PRRG1: variants seen among roughly 807,000 people sequenced by gnomAD.
The protein encoded by PRRG1 is proline rich and Gla domain 1.
Under a neutral mutation model 11.8 loss-of-function variants are expected in PRRG1, and 5 were observed. That is an observed-to-expected ratio of 0.42 (90% CI 0.22 to 0.89). The LOEUF (loss-of-function observed/expected upper bound fraction) is 0.89. Among genes scored for constraint, PRRG1 ranks in the 40% least tolerant of loss-of-function variants. PRRG1 has a pLI of 0.28. For missense variants in PRRG1, 155 were observed against 166.1 expected (o/e 0.93, Z 0.37); for synonymous variants, 66 against 60.4 (o/e 1.09, Z -0.43).
chrX:37,387,209 A>G (rs1931356581), intron 1 of PRRG1, among the ~76,000 whole-genome samples: 1 of 112,534 alleles, frequency 8.9e-6, no homozygotes, highest in African/African-American at 3.2e-5. Flanking sequence ...ACATTAAAAA[A>G]TGTTATTGAT....
chrX:37,404,542 G>T (rs782030940), intron 1 of PRRG1, among the ~76,000 whole-genome samples: 43 of 110,775 alleles, frequency 3.9e-4, no homozygotes, highest in Non-Finnish European at 7.6e-4. Flanking sequence ...TTATCTGAAG[G>T]GTCAGGAGTC....
intron 1 of PRRG1, among the ~76,000 whole-genome samples, chrX:37,398,448 C>G (rs1175908762): frequency 8.0e-5 from 9 of 112,005 alleles, no homozygotes; most frequent in African/African-American, 2.6e-4. Context: ...AACTAACAAA[C>G]AGAAAGGACA....
At chrX:37,388,713 T>C (rs369004217) in intron 1 of PRRG1, among the ~76,000 whole-genome samples, 7 of 113,075 alleles carry the variant, frequency 6.2e-5, no homozygotes, top group African/African-American at 2.2e-4. Context: ...GGGGCTGCCA[T>C]GAAGATCTCT....
At chrX:37,421,676 C>G (rs1932664057) in intron 2 of PRRG1, among the ~76,000 whole-genome samples, 1 of 111,843 alleles carries the variant, frequency 8.9e-6, no homozygotes, top group Non-Finnish European at 1.9e-5. Flanking sequence ...TTAAAAAATT[C>G]TAATTTTAGG....
At chrX:37,358,096 GTT>G (rs56832062) in intron 1 of PRRG1, among the ~76,000 whole-genome samples, 59 of 105,052 alleles carry the variant, frequency 5.6e-4, no homozygotes, top group African/African-American at 2.0e-3. Flanking sequence ...TTCAAATCAT[GTT>G]TTTTTTTTTC....
chrX:37,375,775 C>T (rs1158676096), intron 1 of PRRG1, among the ~76,000 whole-genome samples: 2 of 110,969 alleles, frequency 1.8e-5, no homozygotes, highest in African/African-American at 6.5e-5. Flanking sequence ...TGCCTGAAGC[C>T]CAAAATAATT....
chrX:37,383,024 C>T (rs1273616509), intron 1 of PRRG1, among the ~76,000 whole-genome samples: 1 of 111,277 alleles, frequency 9.0e-6, no homozygotes, highest in Admixed American at 9.5e-5. Flanking sequence ...CCTAGAATTC[C>T]ACATTATTTT....
At chrX:37,377,078 A>G (rs1930992585) in intron 1 of PRRG1, among the ~76,000 whole-genome samples, 1 of 111,528 alleles carries the variant, frequency 9.0e-6, no homozygotes, top group Non-Finnish European at 1.9e-5. Flanking sequence ...TATCTCGGAA[A>G]TAAGATGATT....
chrX:37,359,811 A>T (rs929957832), intron 1 of PRRG1, among the ~76,000 whole-genome samples: 1 of 111,768 alleles, frequency 8.9e-6, no homozygotes, highest in African/African-American at 3.3e-5. Flanking sequence ...GTATAGTCCT[A>T]TTCACATTGT....
At chrX:37,357,373 G>C (rs1245321024) in intron 1 of PRRG1, among the ~76,000 whole-genome samples, 1 of 111,836 alleles carries the variant, frequency 8.9e-6, no homozygotes, top group East Asian at 2.8e-4. Context: ...TCTGTGTGCA[G>C]TATTTTATGT....
intron 1 of PRRG1, among the ~76,000 whole-genome samples, chrX:37,390,828 G>T (rs1444267359): frequency 8.9e-6 from 1 of 112,194 alleles, no homozygotes; most frequent in Non-Finnish European, 1.9e-5. Context: ...AAAGCTTCAG[G>T]CATGGATAAA....
intron 3 of PRRG1, among the ~76,000 whole-genome samples, chrX:37,432,173 C>T (rs1236476836): frequency 2.8e-5 from 3 of 108,098 alleles, no homozygotes; most frequent in African/African-American, 1.0e-4. Flanking sequence ...CTGCAAGCTC[C>T]GCCTCCCGGG....
intron 3 of PRRG1, chrX:37,440,664 T>C (rs782678006): frequency 4.3e-6 from 2 of 460,538 alleles, no homozygotes; most frequent in Non-Finnish European, 7.5e-6. Flanking sequence ...TTAAGTAAAA[T>C]GGGATAAATT....
At chrX:37,359,327 GT>G (rs782365597) in intron 1 of PRRG1, among the ~76,000 whole-genome samples, 5,271 of 101,861 alleles carry the variant, frequency 0.052, 303 homozygotes, top group African/African-American at 0.17. Context: ...TTTGCTGAGA[GT>G]TTTTTTTTTT....
intron 1 of PRRG1, among the ~76,000 whole-genome samples, chrX:37,397,671 A>G (rs1931763576): frequency 8.9e-6 from 1 of 111,874 alleles, no homozygotes; most frequent in African/African-American, 3.3e-5. Flanking sequence ...TACAGAGGAA[A>G]AGAGCAGAGG....
rs1468302722 is a variant in PRRG1 at position 37,402,549 on chromosome X, T to A, written c.-41-3660T>A. Among the ~76,000 whole-genome samples the A allele has an allele frequency of 8.9e-4, 99 of 111,570 alleles. 1 individual carries two copies. The highest frequency in any genetic ancestry group is 4.1e-3 in the South Asian group (11 of 2,662). ...AAAACCCTAGAAGAAAACCTAGGCA[T>A]TACCATTCAGGACATAGGCATAGGC... On this transcript the variant is annotated intron_variant, in intron 1 of 3. Transcript: ENST00000378628.
chrX:37,415,755 T>C (rs1932478804), intron 2 of PRRG1, among the ~76,000 whole-genome samples: 1 of 111,940 alleles, frequency 8.9e-6, no homozygotes, highest in South Asian at 3.8e-4. Flanking sequence ...TAACTTATTA[T>C]ATAAACTCTA....
At chrX:37,436,303 C>G (rs1440234388) in intron 3 of PRRG1, among the ~76,000 whole-genome samples, 1 of 112,018 alleles carries the variant, frequency 8.9e-6, no homozygotes. Context: ...TTATTGATAT[C>G]CAAGGATCTG....
intron 1 of PRRG1, among the ~76,000 whole-genome samples, chrX:37,360,229 TG>T (rs1569434418): frequency 8.9e-6 from 1 of 112,322 alleles, no homozygotes; most frequent in Non-Finnish European, 1.9e-5. Flanking sequence ...TTTCCTAGGA[TG>T]GAAACTTAGA....
Sources: gnomAD v4.1 joint callset for allele counts (sites outside exome capture counted in the v4.1 genomes callset) on GRCh38, gnomAD v4.1.1 for gene constraint, MANE v1.5 for transcripts, NCBI Gene and HGNC (gene_info 2026-07-23, HGNC 2026-07-21) for gene names.